Variants in FOXF1 observed in about 807,000 individuals in gnomAD.
The protein encoded by FOXF1 is forkhead box F1, also known as forkhead box protein F1.
Under a neutral mutation model 26.6 loss-of-function variants are expected in FOXF1, and 9 were observed. The observed-to-expected ratio is 0.34, with a 90% CI of 0.20 to 0.59. The LOEUF is 0.59. FOXF1 is among the 20% of genes least tolerant of loss of function. The probability of loss-of-function intolerance (pLI) is 0.83; values close to 1 mark genes in which losing one functional copy is unlikely to be tolerated. For synonymous variants in FOXF1, 330 were observed against 257.7 expected (o/e 1.28, Z -2.69); for missense variants, 499 against 549.9 (o/e 0.91, Z 0.93).
Position 86,513,991 on chromosome 16 carries a change from G to A in FOXF1, c.*906G>A, listed in dbSNP as rs970212468. On this transcript the variant is annotated 3_prime_UTR_variant, in exon 2 of 2. Transcript: ENST00000262426. ...GACCGCGCGGATTCAGGATTGCGGG[G>A]ACGCAGAAAGGTTAAGGCACTTTTA... 1.3e-5 allele frequency: 2 copies of A among 152,246 alleles called. No individual in the cohort carries two copies. The highest frequency in any genetic ancestry group is 2.9e-5 in the Non-Finnish European group (2 of 68,046). 9.4% of individuals were successfully genotyped at this position (152,246 alleles called of 1,614,324 possible).
At position 86,513,644 on chromosome 16, in the gene FOXF1, C is replaced by G. The variant is rs893482367; in HGVS notation, c.*559C>G. The stretch of plus-strand genomic sequence containing the variant: ...GTGACAAGAGCTCAGATCTCCCTCC[C>G]GATCTCCCTCCCCACCTCCGAAGTC... On this transcript the variant is annotated 3_prime_UTR_variant, in exon 2 of 2. Coordinates refer to ENST00000262426, the MANE Select transcript of FOXF1 (RefSeq NM_001451.3). 1 of 153,656 alleles carries G rather than the reference C, an allele frequency of 6.5e-6. No homozygotes were observed. Among genetic ancestry groups the G allele is most frequent in the Non-Finnish European group, 1.4e-5 (1 of 69,020 alleles). The allele number at this position is 153,656 out of a possible 1,614,324, so 9.5% of individuals were successfully genotyped here.
In FOXF1 at chr16:86,514,682, A is replaced by C. The variant is rs1969620293; in HGVS notation, c.*1597A>C. 6.6e-6 allele frequency: 1 copy of C among 152,138 alleles called. No homozygotes were observed. 9.4% of individuals were successfully genotyped at this position (152,138 alleles called of 1,614,324 possible). On this transcript the variant is annotated 3_prime_UTR_variant, in exon 2 of 2. Transcript: ENST00000262426. The stretch of plus-strand genomic sequence containing the variant: ...CTATTTTTCTTGGCTTCTGTTTTTT[A>C]AGAAGAGCCCTTTGCCCCTCTAAAT...
In FOXF1 at chr16:86,513,359, G is replaced by A; in HGVS notation, c.*274G>A. 1 of 476,658 alleles carries A rather than the reference G, an allele frequency of 2.1e-6. No homozygotes were observed. Among genetic ancestry groups the A allele is most frequent in the Non-Finnish European group, 3.8e-6 (1 of 261,266 alleles). The allele number at this position is 476,658 out of a possible 1,614,324, so 29.5% of individuals were successfully genotyped here. A position where few individuals can be genotyped will look rare whatever the true frequency, so the allele number is the denominator to read the frequency against. On this transcript the variant is annotated 3_prime_UTR_variant, in exon 2 of 2. Coordinates refer to ENST00000262426, the MANE Select transcript of FOXF1 (RefSeq NM_001451.3). ...GTAAATAAAAGTTTTTGATCCTGTT[G>A]AACCCGCCTGAGACGGTGCTGTGCA... is the stretch of plus-strand genomic sequence containing the variant.
chr16:86,512,392 C>G (rs1329648199), intron 1 of FOXF1, among the ~76,000 whole-genome samples: 2 of 152,244 alleles, frequency 1.3e-5, no homozygotes, highest in Admixed American at 1.3e-4. Context: ...CCCCAGGAGG[C>G]AGGAGCCAGG....
chr16:86,514,758 C>A lies in FOXF1; in HGVS notation c.*1673C>A, dbSNP rs72818129. The A allele has an allele frequency of 0.095, 14,443 of 152,140 alleles. 795 individuals carry two copies. Among genetic ancestry groups the A allele is most frequent in the Middle Eastern group, 0.19 (56 of 294 alleles). 9.4% of individuals were successfully genotyped at this position (152,140 alleles called of 1,614,324 possible). On this transcript the variant is annotated 3_prime_UTR_variant, in exon 2 of 2. Transcript: ENST00000262426. ...ACTTTTAAAGAACACTATAGACCTCCTTCCCCTAGGGAACACCAATTAAAC... is the reference window on the plus strand; with the variant it reads ...ACTTTTAAAGAACACTATAGACCTCATTCCCCTAGGGAACACCAATTAAAC...
Position 86,512,915 on chromosome 16 carries a change from C to G in FOXF1, c.980-10C>G. The G allele has an allele frequency of 6.2e-7, 1 of 1,614,010 alleles. No homozygotes were observed. Among genetic ancestry groups the G allele is most frequent in the Non-Finnish European group, 8.5e-7 (1 of 1,180,016 alleles). ...GCTCCCCCAACCCCTCCTGTCGCCT[C>G]GCCTTGCAGGCATCCCGCGGTATCA... On this transcript the variant is annotated splice_polypyrimidine_tract_variant and intron_variant, in intron 1 of 1. Transcript: ENST00000262426.
Position 86,514,741 on chromosome 16 carries a change from A to G in FOXF1, c.*1656A>G, listed in dbSNP as rs1243799035. On this transcript the variant is annotated 3_prime_UTR_variant, in exon 2 of 2. Transcript: ENST00000262426. ...TCGTTTTAAAGAAATAAACTTTTAA[A>G]GAACACTATAGACCTCCTTCCCCTA... 6.6e-6 allele frequency: 1 copy of G among 152,186 alleles called. No homozygotes were observed. Among genetic ancestry groups the G allele is most frequent in the Non-Finnish European group, 1.5e-5 (1 of 68,044 alleles). The allele number at this position is 152,186 out of a possible 1,614,324, so 9.4% of individuals were successfully genotyped here.
At position 86,511,504 on chromosome 16, in the gene FOXF1, C is replaced by T; in HGVS notation, c.935C>T (p.Pro312Leu). 6.3e-7 allele frequency: 1 copy of T among 1,585,748 alleles called. No individual in the cohort carries two copies. Reference protein sequence around the residue: ...GSLSTHSLEQPYLHQNSHNAP... With the variant: ...GSLSTHSLEQLYLHQNSHNAP... ...CTCTCCACGCACTCCCTGGAGCAGC[C>T]GTATCTGCACCAGAACAGCCACAAC... is the stretch of plus-strand genomic sequence containing the variant. Residue 312 changes from proline to leucine, a missense_variant, in exon 1 of 2, where the codon CCG becomes CTG. Physicochemically the swap from Pro to Leu is moderately conservative, Grantham distance 98. Transcript: ENST00000262426.
intron 1 of FOXF1, among the ~76,000 whole-genome samples, chr16:86,512,526 C>T (rs1167846144): frequency 6.6e-6 from 1 of 152,252 alleles, no homozygotes; most frequent in Non-Finnish European, 1.5e-5. Flanking sequence ...TCTCCTTCAA[C>T]CCCGCCGGCA....
chr16:86,513,228 G>C lies in FOXF1; in HGVS notation c.*143G>C. 3 of 801,644 alleles carry C rather than the reference G, an allele frequency of 3.7e-6. No homozygotes were observed. Among genetic ancestry groups the C allele is most frequent in the East Asian group, 2.7e-5 (1 of 37,344 alleles). The allele number at this position is 801,644 out of a possible 1,614,324, so 49.7% of individuals were successfully genotyped here. On this transcript the variant is annotated 3_prime_UTR_variant, in exon 2 of 2. Coordinates refer to ENST00000262426, the MANE Select transcript of FOXF1 (RefSeq NM_001451.3). ...CTCCCCAACCGGAGTTTTTGGCAAG[G>C]AGTCCCCAATGCAAAGACACAGCGC...
In FOXF1 at chr16:86,513,306, G is replaced by A; in HGVS notation, c.*221G>A. Reference sequence around the variant, plus strand: ...TTCAAAATTGTTAAGAAATGTTAGTGGTGGGTCTGATCTGACTGCAGCCAT... The same window carrying A: ...TTCAAAATTGTTAAGAAATGTTAGTAGTGGGTCTGATCTGACTGCAGCCAT... On this transcript the variant is annotated 3_prime_UTR_variant, in exon 2 of 2. Coordinates refer to ENST00000262426, the MANE Select transcript of FOXF1 (RefSeq NM_001451.3). The A allele has an allele frequency of 1.7e-6, 1 of 579,418 alleles. No homozygotes were observed. Among genetic ancestry groups the A allele is most frequent in the South Asian group, 2.0e-5 (1 of 50,358 alleles). 35.9% of individuals were successfully genotyped at this position (579,418 alleles called of 1,614,324 possible). A position where few individuals can be genotyped will look rare whatever the true frequency, so the allele number is the denominator to read the frequency against.
rs1969544522 is a variant in FOXF1, at chr16:86,510,596, G to A, written c.27G>A (p.Gln9=). The A allele has an allele frequency of 7.2e-7, 1 of 1,383,122 alleles. No homozygotes were observed. Among genetic ancestry groups the A allele is most frequent in the Non-Finnish European group, 9.3e-7 (1 of 1,077,130 alleles). 85.7% of individuals were successfully genotyped at this position (1,383,122 alleles called of 1,614,324 possible). A position where few individuals can be genotyped will look rare whatever the true frequency, so the allele number is the denominator to read the frequency against. Residue 9 remains glutamine (Q), a synonymous_variant, in exon 1 of 2, where the codon CAG becomes CAA. Transcript: ENST00000262426. ...TGTCTTCGGCGCCCGAGAAGCAGCA[G>A]CCACCGCACGGCGGCGGCGGCGGCG... MSSAPEKQ[Q]PPHGGGGGGG...
chr16:86,514,534 T>G lies in FOXF1; in HGVS notation c.*1449T>G, dbSNP rs1969618290. The G allele has an allele frequency of 6.6e-6, 1 of 152,154 alleles. No homozygotes were observed. Among genetic ancestry groups the G allele is most frequent in the Non-Finnish European group, 1.5e-5 (1 of 68,036 alleles). The allele number at this position is 152,154 out of a possible 1,614,324, so 9.4% of individuals were successfully genotyped here. A position where few individuals can be genotyped will look rare whatever the true frequency, so the allele number is the denominator to read the frequency against. On this transcript the variant is annotated 3_prime_UTR_variant, in exon 2 of 2. Coordinates refer to ENST00000262426, the MANE Select transcript of FOXF1 (RefSeq NM_001451.3). ...AGGGGGGAAAAAAGAAAAAACAGGC[T>G]TTGGATCTCTAGACGCTTAAAAATT...
chr16:86,510,995 C>A lies in FOXF1; in HGVS notation c.426C>A (p.Arg142=). 4.3e-6 allele frequency: 7 copies of A among 1,613,002 alleles called. No homozygotes were observed. The highest frequency in any genetic ancestry group is 1.3e-5 in the African/African-American group (1 of 75,040). The change falls in exon 1 of 2, where the codon CGC becomes CGA. Residue 142 remains arginine, a synonymous_variant. Transcript: ENST00000262426. Reference sequence around the variant, plus strand: ...AGGGCTCCTTTCGGCGGCGGCCGCGCGGCTTCCGAAGGAAATGCCAGGCGC... The same window carrying A: ...AGGGCTCCTTTCGGCGGCGGCCGCGAGGCTTCCGAAGGAAATGCCAGGCGC... ...FEEGSFRRRP[R]GFRRKCQALK... is the part of the protein sequence containing the mutation.
intron 1 of FOXF1, among the ~76,000 whole-genome samples, chr16:86,511,767 C>G (rs898149635): frequency 6.6e-6 from 1 of 152,214 alleles, no homozygotes; most frequent in African/African-American, 2.4e-5. Context: ...TCTTTCTGTT[C>G]GAACTCCAGC....
chr16:86,510,575 T>C lies in FOXF1; in HGVS notation c.6T>C (p.Ser2=), dbSNP rs1597291074. The change falls in exon 1 of 2, where the codon TCT becomes TCC. Residue 2 remains serine (S), a synonymous_variant. Transcript: ENST00000262426. ...GCGGCGGCAGCAGCCACCCGATGTC[T>C]TCGGCGCCCGAGAAGCAGCAGCCAC... M[S]SAPEKQQPPH... 7.3e-7 allele frequency: 1 copy of C among 1,368,728 alleles called. No homozygotes were observed. The highest frequency in any genetic ancestry group is 3.1e-5 in the East Asian group (1 of 32,138). 84.8% of individuals were successfully genotyped at this position (1,368,728 alleles called of 1,614,324 possible).
At position 86,511,455 on chromosome 16, in the gene FOXF1, G is replaced by C. The variant is rs767146795; in HGVS notation, c.886G>C (p.Ala296Pro). The C allele has an allele frequency of 2.5e-6, 4 of 1,593,454 alleles. No homozygotes were observed. Among genetic ancestry groups the C allele is most frequent in the Non-Finnish European group, 3.4e-6 (4 of 1,177,970 alleles). ...KQQPLSPCNP[A>P]ANPLSGSLST... ...GCAGCCCCTGTCCCCCTGTAACCCC[G>C]CGGCCAACCCCCTGTCCGGCAGCCT... Residue 296 changes from alanine (A) to proline (P), a missense_variant, in exon 1 of 2, where the codon GCG (alanine) becomes CCG (proline). Transcript: ENST00000262426.
chr16:86,511,046 C>T lies in FOXF1; in HGVS notation c.477C>T (p.Asn159=). Residue 159 remains asparagine, a synonymous_variant, in exon 1 of 2, where the codon AAC becomes AAT. Coordinates refer to ENST00000262426, the MANE Select transcript of FOXF1 (RefSeq NM_001451.3). Reference sequence around the variant, plus strand: ...TCAAGCCCATGTACAGCATGATGAACGGGCTCGGCTTCAACCACCTCCCGG... The same window carrying T: ...TCAAGCCCATGTACAGCATGATGAATGGGCTCGGCTTCAACCACCTCCCGG... ...QALKPMYSMM[N]GLGFNHLPDT... 3 of 1,611,608 alleles carry T rather than the reference C, an allele frequency of 1.9e-6. No individual in the cohort carries two copies. The highest frequency in any genetic ancestry group is 1.1e-5 in the South Asian group (1 of 91,080).
chr16:86,512,931 C>T lies in FOXF1; in HGVS notation c.986C>T (p.Pro329Leu), dbSNP rs1249909773. The T allele has an allele frequency of 1.9e-6, 3 of 1,613,930 alleles. No homozygotes were observed. Among genetic ancestry groups the T allele is most frequent in the Admixed American group, 1.7e-5 (1 of 60,010 alleles). ...CTGTCGCCTCGCCTTGCAGGCATCC[C>T]GCGGTATCACTCGCAGTCGCCCAGC... ...HNAPAELQGI[P>L]RYHSQSPSMC... Residue 329 changes from proline to leucine, a missense_variant, in exon 2 of 2, where the codon CCG (proline) becomes CTG (leucine). By Grantham distance (98) the Pro-to-Leu change is moderately conservative. This residue lies in a region of FOXF1 where 367 missense variants were observed against 324.8 expected (regional missense o/e 1.13). Coordinates refer to ENST00000262426, the MANE Select transcript of FOXF1 (RefSeq NM_001451.3).
Sources: gnomAD v4.1 joint callset for allele counts (sites outside exome capture counted in the v4.1 genomes callset) on GRCh38, gnomAD v4.1.1 for gene constraint, gnomAD v4.1.1 regional missense constraint, MANE v1.5 for transcripts, NCBI Gene and HGNC (gene_info 2026-07-23, HGNC 2026-07-21) for gene names.